The following BMPER variants were observed in gnomAD, a reference collection of about 807,000 sequenced individuals.
The protein encoded by BMPER is BMP-binding endothelial regulator protein.
In BMPER, 45 loss-of-function variants were observed where a neutral mutation model predicts 87.3. The ratio of observed to expected loss-of-function variants is 0.52; its 90% CI spans 0.41 to 0.66. The LOEUF (loss-of-function observed/expected upper bound fraction) is 0.66, where lower values mean the gene tolerates loss of function less well. BMPER is among the 30% of genes least tolerant of loss of function. BMPER has a pLI of 0.00. For missense variants in BMPER, 784 were observed against 867.5 expected, an observed-to-expected ratio of 0.90 and a Z score of 1.21; for synonymous variants, 326 against 316.2, an observed-to-expected ratio of 1.03 and a Z score of -0.33.
intron 3 of BMPER, among the ~76,000 whole-genome samples, chr7:33,952,546 C>G (rs982671794): frequency 6.6e-6 from 1 of 152,128 alleles, no homozygotes; most frequent in African/African-American, 2.4e-5. Context: ...ACACCGAAGC[C>G]CCTGCAGTCT....
intron 6 of BMPER, among the ~76,000 whole-genome samples, chr7:34,028,601 G>GGTTTTTTTTTTT (rs1787426612): frequency 2.8e-5 from 1 of 36,058 alleles, no homozygotes; most frequent in Admixed American, 5.7e-4. Flanking sequence ...CATTTTTTCT[G>GGTTTTTTTTTTT]TTTTTTTTTT....
chr7:34,147,625 C>T (rs1411457023), intron 14 of BMPER, among the ~76,000 whole-genome samples: 2 of 152,090 alleles, frequency 1.3e-5, no homozygotes, highest in Non-Finnish European at 2.9e-5. Context: ...CATGTGCCAC[C>T]ACGCTTGGCT....
chr7:33,990,518 G>A lies in BMPER; in HGVS notation c.576+15734G>A, dbSNP rs1365852632. ...TATCAGCTTAAGGAGATTTTGGGCTGAGACAATGGGGTTTTCTAGATATAC... is the reference window on the plus strand; with the variant it reads ...TATCAGCTTAAGGAGATTTTGGGCTAAGACAATGGGGTTTTCTAGATATAC... On this transcript the variant is annotated intron_variant, in intron 6 of 14. Transcript: ENST00000649409. 4.7e-5 allele frequency among the ~76,000 whole-genome samples: 7 copies of A among 149,124 alleles called. No homozygotes were observed. The Admixed American group carries it at 4.7e-4, about 10-fold the overall frequency.
intron 11 of BMPER, among the ~76,000 whole-genome samples, chr7:34,077,352 G>A (rs1365873644): frequency 2.6e-5 from 4 of 152,288 alleles, no homozygotes; most frequent in South Asian, 4.1e-4. Flanking sequence ...TAAAATTGGA[G>A]TCAGAAGGAA....
At chr7:34,135,875 G>A (rs749623724) in intron 13 of BMPER, among the ~76,000 whole-genome samples, 15 of 152,002 alleles carry the variant, frequency 9.9e-5, no homozygotes, top group Non-Finnish European at 2.2e-4. Context: ...GAGTATAGGG[G>A]GATGAGGGGA....
At chr7:34,046,508 ATT>A in intron 7 of BMPER, 103 bp downstream of exon 7, 1 of 1,239,128 alleles carries the variant, frequency 8.1e-7, no homozygotes, top group Non-Finnish European at 1.2e-6. Flanking sequence ...AAGTTGTCCT[ATT>A]TCGTGGCTTG....
At chr7:33,920,873 G>A (rs922280526) in intron 2 of BMPER, among the ~76,000 whole-genome samples, 7 of 152,120 alleles carry the variant, frequency 4.6e-5, no homozygotes, top group Non-Finnish European at 8.8e-5. Context: ...TCTTGGTTAG[G>A]TACAGTTGAA....
chr7:33,911,133 A>C (rs1400411715), intron 2 of BMPER, among the ~76,000 whole-genome samples: 1 of 152,236 alleles, frequency 6.6e-6, no homozygotes, highest in Non-Finnish European at 1.5e-5. Context: ...TTGGATGCTC[A>C]CTAAGGAAGC....
intron 13 of BMPER, among the ~76,000 whole-genome samples, chr7:34,124,608 G>A (rs1432301739): frequency 6.6e-6 from 1 of 152,058 alleles, no homozygotes; most frequent in African/African-American, 2.4e-5. Flanking sequence ...TCATTTGCAA[G>A]CAAGTAAAAT....
intron 6 of BMPER, among the ~76,000 whole-genome samples, chr7:34,038,253 G>A (rs1787736858): frequency 6.6e-6 from 1 of 152,184 alleles, no homozygotes. Context: ...GTCAGAGTCG[G>A]AGGAGATGTG....
intron 14 of BMPER, among the ~76,000 whole-genome samples, chr7:34,144,100 A>T (rs1264517480): frequency 1.3e-5 from 2 of 152,160 alleles, no homozygotes; most frequent in Non-Finnish European, 2.9e-5. Context: ...GAGGGCTGAG[A>T]TGGGATGAAG....
intron 11 of BMPER, among the ~76,000 whole-genome samples, chr7:34,070,031 T>C (rs1788696972): frequency 2.0e-5 from 3 of 152,216 alleles, no homozygotes; most frequent in African/African-American, 7.2e-5. Flanking sequence ...CTTTTTGCTT[T>C]TTCATCTTGT....
chr7:34,080,252 G>T (rs750651129), intron 12 of BMPER, among the ~76,000 whole-genome samples: 10 of 152,134 alleles, frequency 6.6e-5, no homozygotes, highest in African/African-American at 2.4e-4. Context: ...CTTTTCAGGG[G>T]CTATAGAGAC....
At position 33,974,810 on chromosome 7, in the gene BMPER, G is replaced by A. The variant is rs372436618; in HGVS notation, c.576+26G>A. On this transcript the variant is annotated intron_variant, in intron 6 of 14. Coordinates refer to ENST00000649409, the MANE Select transcript of BMPER (RefSeq NM_001365308.1). ...GTAAGTCCTGCTGTGGATGTTCCCAGGGTGTCCTTTGGGCAAAGCACTTCT... is the reference window on the plus strand; with the variant it reads ...GTAAGTCCTGCTGTGGATGTTCCCAAGGTGTCCTTTGGGCAAAGCACTTCT... 4.4e-6 allele frequency: 7 copies of A among 1,608,728 alleles called. No homozygotes were observed. In the African/African-American group the frequency reaches 8.0e-5, roughly 18 times the overall value.
intron 6 of BMPER, among the ~76,000 whole-genome samples, chr7:34,020,807 C>T (rs1026522557): frequency 2.0e-5 from 3 of 151,600 alleles, no homozygotes; most frequent in African/African-American, 7.3e-5. Context: ...TATCAGCCTG[C>T]TTTGCAGGCA....
intron 14 of BMPER, among the ~76,000 whole-genome samples, chr7:34,151,735 A>G (rs2127997010): frequency 6.6e-6 from 1 of 152,368 alleles, no homozygotes; most frequent in Non-Finnish European, 1.5e-5. Context: ...CAGTTGAGGC[A>G]GGGATAAATA....
At chr7:34,058,839 G>A (rs1414959399) in intron 10 of BMPER, among the ~76,000 whole-genome samples, 3 of 152,054 alleles carry the variant, frequency 2.0e-5, no homozygotes, top group Non-Finnish European at 4.4e-5. Flanking sequence ...ACACCTTCCC[G>A]TGAATGAAAA....
chr7:34,006,568 G>T (rs1219599134), intron 6 of BMPER, among the ~76,000 whole-genome samples: 1 of 152,046 alleles, frequency 6.6e-6, no homozygotes, highest in Non-Finnish European at 1.5e-5. Context: ...TCTCTCTTGG[G>T]TGAAGCTGCT....
At chr7:33,967,104 G>C (rs1014989526) in intron 4 of BMPER, among the ~76,000 whole-genome samples, 18 of 152,290 alleles carry the variant, frequency 1.2e-4, no homozygotes, top group Admixed American at 2.0e-4. Context: ...AAAGAGCAGT[G>C]ATTCCACATG....
Sources: gnomAD v4.1 joint callset for allele counts (sites outside exome capture counted in the v4.1 genomes callset) on GRCh38, gnomAD v4.1.1 for gene constraint, MANE v1.5 for transcripts, NCBI Gene and HGNC (gene_info 2026-07-23, HGNC 2026-07-21) for gene names.